The following ZNF512B variants were observed in gnomAD, a reference collection of about 807,000 sequenced individuals.
ZNF512B encodes zinc finger protein 512B.
In ZNF512B, 22 loss-of-function variants were observed where a neutral mutation model predicts 87.8. The ratio of observed to expected loss-of-function variants is 0.25; its 90% CI spans 0.18 to 0.36. The LOEUF (loss-of-function observed/expected upper bound fraction) is 0.36. Ranked by LOEUF, ZNF512B falls within the 10% of genes least tolerant of loss-of-function variation. The pLI, the probability that ZNF512B is intolerant of heterozygous loss-of-function variation, is 1.00. For synonymous variants in ZNF512B, 524 were observed against 490.9 expected (o/e 1.07, Z -0.89); for missense variants, 1,060 against 1,231.6 (o/e 0.86, Z 2.09).
chr20:63,960,675 A>C (rs1331720979), intron 16 of ZNF512B, among the ~76,000 whole-genome samples: 57 of 142,038 alleles, frequency 4.0e-4, no homozygotes, highest in South Asian at 1.5e-3. Flanking sequence ...AGGCACCTGC[A>C]GCAGGGGGCT....
intron 1 of ZNF512B, among the ~76,000 whole-genome samples, chr20:63,969,421 C>T (rs768688654): frequency 6.6e-6 from 1 of 151,580 alleles, no homozygotes; most frequent in Non-Finnish European, 1.5e-5. Flanking sequence ...GCAGCGGGTC[C>T]GCCGCGTAGG....
Position 63,964,230 on chromosome 20 carries a change from A to T in ZNF512B, c.1334-13T>A. On this transcript the variant is annotated splice_polypyrimidine_tract_variant and intron_variant, in intron 7 of 16. Transcript: ENST00000369888. ...GCTTTGACCAGGCCTGTGTGCACAC[A>T]TGGGGTGGAGAGAAACAGGGATGGG... 6.2e-7 allele frequency: 1 copy of T among 1,607,554 alleles called. No homozygotes were observed.
At chr20:63,969,740 A>C (rs2058962128) in intron 1 of ZNF512B, 74 bp downstream of exon 1, 1 of 134,524 alleles carries the variant, frequency 7.4e-6, no homozygotes. Context: ...GCCTGCGCGC[A>C]GGGTCGAGAT....
chr20:63,964,624 G>A lies in ZNF512B; in HGVS notation c.1127C>T (p.Ser376Leu), dbSNP rs139691615. 76 of 1,613,040 alleles carry A rather than the reference G, an allele frequency of 4.7e-5. No homozygotes were observed. The highest frequency in any genetic ancestry group is 1.7e-4 in the Middle Eastern group (1 of 5,810). Residue 376 changes from serine (S) to leucine (L), a missense_variant, in exon 6 of 17, where the codon TCG becomes TTG. Around this residue, in one of 9 missense-constraint regions of ZNF512B, gnomAD observed 212 missense variants for 207.6 expected, o/e 1.02. Transcript: ENST00000369888. ...EYGPSSMGQSSAFQLSADTSS... is the reference protein window; with the variant it reads ...EYGPSSMGQSLAFQLSADTSS... ...GGTGTCTGCACTCAGCTGGAAGGCC[G>A]AGCTCTGGCCCATGGAGGAGGGGCC... is the stretch of plus-strand genomic sequence containing the variant.
In ZNF512B at chr20:63,966,712, G is replaced by T. The variant is rs752243247; in HGVS notation, c.463C>A (p.Leu155Met). ...CEAAFTSKTQ[L>M]EKHRIWNHMD... Reference sequence around the variant, plus strand: ...TGGTTCCAGATCCGGTGTTTCTCCAGCTGGGTCTTAGAGGTGAATGCGGCC... The same window carrying T: ...TGGTTCCAGATCCGGTGTTTCTCCATCTGGGTCTTAGAGGTGAATGCGGCC... The change falls in exon 5 of 17, where the codon CTG becomes ATG. Residue 155 changes from leucine (L) to methionine (M), a missense_variant. Leu to Met is a conservative substitution (Grantham distance 15). Transcript: ENST00000369888. The T allele has an allele frequency of 6.2e-7, 1 of 1,610,628 alleles. No homozygotes were observed. The highest frequency in any genetic ancestry group is 8.5e-7 in the Non-Finnish European group (1 of 1,179,010).
rs2058939126 is a variant in ZNF512B at position 63,967,391 on chromosome 20, C to T, written c.254G>A (p.Arg85Gln). 7 of 1,608,308 alleles carry T rather than the reference C, an allele frequency of 4.4e-6. No individual in the cohort carries two copies. The highest frequency in any genetic ancestry group is 3.3e-5 in the South Asian group (3 of 90,408). ...CCTGAGGGAGCTCACAGGAATGTCT[C>T]GGAGGGCCTGGTTCTCGGCTTTTGG... Reference protein sequence around the residue: ...GRPKAENQALRDIPLSLMNDW... With the variant: ...GRPKAENQALQDIPLSLMNDW... The change falls in exon 3 of 17, where the codon CGA becomes CAA. Residue 85 changes from arginine to glutamine, a missense_variant. Physicochemically the swap from Arg to Gln is conservative, Grantham distance 43. This residue lies in a region of ZNF512B where 134 missense variants were observed against 153.6 expected (regional missense o/e 0.87). Transcript: ENST00000369888.
At chr20:63,962,200 T>C in intron 14 of ZNF512B, 73 bp downstream of exon 14, 1 of 1,477,948 alleles carries the variant, frequency 6.8e-7, no homozygotes, top group Non-Finnish European at 9.2e-7. Context: ...CCTCTGTTCC[T>C]GCTCAGAGGG....
Position 63,966,402 on chromosome 20 carries a change from A to T in ZNF512B, c.773T>A (p.Ile258Asn), listed in dbSNP as rs1396346880. 1 of 1,613,886 alleles carries T rather than the reference A, an allele frequency of 6.2e-7. No individual in the cohort carries two copies. The highest frequency in any genetic ancestry group is 1.7e-5 in the Admixed American group (1 of 59,998). The change falls in exon 5 of 17, where the codon ATC becomes AAC. Residue 258 changes from isoleucine to asparagine, a missense_variant. By Grantham distance (149) the Ile-to-Asn change is moderately radical. Around this residue, in one of 9 missense-constraint regions of ZNF512B, gnomAD observed 201 missense variants for 226.8 expected, o/e 0.89. Coordinates refer to ENST00000369888, the MANE Select transcript of ZNF512B (RefSeq NM_020713.3). The part of the protein sequence containing the change: ...VTKAMPVTKP[I>N]TVTKSVPVTK... Reference sequence around the variant, plus strand: ...GACCGGCACAGACTTGGTGACTGTGATGGGTTTGGTGACCGGCATGGCCTT... The same window carrying T: ...GACCGGCACAGACTTGGTGACTGTGTTGGGTTTGGTGACCGGCATGGCCTT...
At chr20:63,962,202 C>G in intron 14 of ZNF512B, 71 bp downstream of exon 14, 1 of 1,486,488 alleles carries the variant, frequency 6.7e-7, no homozygotes, top group Non-Finnish European at 9.1e-7. Flanking sequence ...TCTGTTCCTG[C>G]TCAGAGGGCC....
rs980376735 is a variant in ZNF512B at position 63,958,034 on chromosome 20, G to A, written c.*1854C>T. On this transcript the variant is annotated 3_prime_UTR_variant, in exon 17 of 17. Transcript: ENST00000369888. ...AGGTGTGCGTGGGTGGGGGGAGTCC[G>A]GGTCTCCACACCCACTCCCTGGCAC... is the stretch of plus-strand genomic sequence containing the variant. 1 of 152,210 alleles carries A rather than the reference G, an allele frequency of 6.6e-6. No homozygotes were observed. Among genetic ancestry groups the A allele is most frequent in the African/African-American group, 2.4e-5 (1 of 41,424 alleles). The allele number at this position is 152,210 out of a possible 1,614,324, so 9.4% of individuals were successfully genotyped here.
chr20:63,968,088 A>C (rs2058946480), intron 1 of ZNF512B, 136 bp from the exon 2 acceptor site: 7 of 1,188,730 alleles, frequency 5.9e-6, no homozygotes, highest in Non-Finnish European at 6.9e-6. Flanking sequence ...GGTTTTGTTC[A>C]CGTGGGAAAA....
At position 63,959,719 on chromosome 20, in the gene ZNF512B, G is replaced by A; in HGVS notation, c.*169C>T. ...GGTGTGCCCTGTGGCAGCCTTAACA[G>A]GGGAAGGGCCACCTTCAGGGAAGGG... On this transcript the variant is annotated 3_prime_UTR_variant, in exon 17 of 17. Transcript: ENST00000369888. The A allele has an allele frequency of 9.1e-7, 1 of 1,094,010 alleles. No individual in the cohort carries two copies. The highest frequency in any genetic ancestry group is 1.7e-5 in the South Asian group (1 of 58,024). The allele number at this position is 1,094,010 out of a possible 1,614,324, so 67.8% of individuals were successfully genotyped here.
At chr20:63,962,504 A>G in intron 13 of ZNF512B, 83 bp downstream of exon 13, 1 of 1,555,486 alleles carries the variant, frequency 6.4e-7, no homozygotes, top group Non-Finnish European at 8.7e-7. Flanking sequence ...AGGTCACAGC[A>G]GTGGCTGTCC....
rs771936199 is a variant in ZNF512B, at chr20:63,967,838, G to T, written c.113C>A (p.Pro38Gln). 6.2e-7 allele frequency: 1 copy of T among 1,612,114 alleles called. No homozygotes were observed. The highest frequency in any genetic ancestry group is 2.2e-5 in the East Asian group (1 of 44,828). Reference sequence around the variant, plus strand: ...GCCCTGACTCCTCTTACCCATCTTCGGTGGGTCATGCAGCATTGGAAGTCG... The same window carrying T: ...GCCCTGACTCCTCTTACCCATCTTCTGTGGGTCATGCAGCATTGGAAGTCG... ...EVRLPMLHDP[P>Q]KMGMPVVRGG... The change falls in exon 2 of 17, where the codon CCG (proline) becomes CAG (glutamine). Residue 38 changes from proline (P) to glutamine (Q), a missense_variant. Pro to Gln is a moderately conservative substitution (Grantham distance 76). Coordinates refer to ENST00000369888, the MANE Select transcript of ZNF512B (RefSeq NM_020713.3).
chr20:63,958,466 G>C lies in ZNF512B; in HGVS notation c.*1422C>G, dbSNP rs1047247845. 1 of 152,362 alleles carries C rather than the reference G, an allele frequency of 6.6e-6. No individual in the cohort carries two copies. The highest frequency in any genetic ancestry group is 2.4e-5 in the African/African-American group (1 of 41,448). 9.4% of individuals were successfully genotyped at this position (152,362 alleles called of 1,614,324 possible). A position where few individuals can be genotyped will look rare whatever the true frequency, so the allele number is the denominator to read the frequency against. ...CTACACCCAGGAGACACACGCACAC[G>C]GGCAAACATCAAAATTCTCATCGTC... On this transcript the variant is annotated 3_prime_UTR_variant, in exon 17 of 17. Transcript: ENST00000369888.
chr20:63,961,245 A>G lies in ZNF512B; in HGVS notation c.2427+64T>C. ...ACCTCTCTACCCCCAAGGGGTGCCC[A>G]ACCCCAGCCCTGTCCCCTCCTGGGC... On this transcript the variant is annotated intron_variant, in intron 16 of 16. Transcript: ENST00000369888. The surrounding 1 kb of genome is among the most constrained non-coding windows in gnomAD (Gnocchi z 6.4). 1 of 1,545,612 alleles carries G rather than the reference A, an allele frequency of 6.5e-7. No individual in the cohort carries two copies. Among genetic ancestry groups the G allele is most frequent in the Non-Finnish European group, 8.9e-7 (1 of 1,127,692 alleles).
chr20:63,968,651 T>A (rs1451146710), intron 1 of ZNF512B, among the ~76,000 whole-genome samples: 1 of 152,224 alleles, frequency 6.6e-6, no homozygotes, highest in Admixed American at 6.5e-5. Context: ...TCCTACCTGA[T>A]GCTCTTCGCA....
In ZNF512B at chr20:63,959,268, A is replaced by C; in HGVS notation, c.*620T>G. ...ACAAAGGAGGAGCAGGGGTGGGGGT[A>C]GTGGGCAGGCCTGGAGAGGTAGAAA... On this transcript the variant is annotated 3_prime_UTR_variant, in exon 17 of 17. Coordinates refer to ENST00000369888, the MANE Select transcript of ZNF512B (RefSeq NM_020713.3). The C allele has an allele frequency of 6.5e-6, 1 of 153,740 alleles. No homozygotes were observed. Among genetic ancestry groups the C allele is most frequent in the Non-Finnish European group, 1.5e-5 (1 of 68,932 alleles). The allele number at this position is 153,740 out of a possible 1,614,324, so 9.5% of individuals were successfully genotyped here.
In ZNF512B at chr20:63,957,864, A is replaced by T. The variant is rs1176667892; in HGVS notation, c.*2024T>A. On this transcript the variant is annotated 3_prime_UTR_variant, in exon 17 of 17. Coordinates refer to ENST00000369888, the MANE Select transcript of ZNF512B (RefSeq NM_020713.3). Reference sequence around the variant, plus strand: ...CCTCCCCTCATGAGGCTGCCCCAGCAGCAGCTGCCAGACCCCACCCTCCAC... The same window carrying T: ...CCTCCCCTCATGAGGCTGCCCCAGCTGCAGCTGCCAGACCCCACCCTCCAC... 8.1e-6 allele frequency: 1 copy of T among 123,504 alleles called. No individual in the cohort carries two copies. Among genetic ancestry groups the T allele is most frequent in the Non-Finnish European group, 1.7e-5 (1 of 59,976 alleles). 7.7% of individuals were successfully genotyped at this position (123,504 alleles called of 1,614,324 possible).
Sources: allele counts gnomAD v4.1 joint callset (sites outside exome capture counted in the v4.1 genomes callset), GRCh38; gene constraint gnomAD v4.1.1; regional missense constraint gnomAD v4.1.1; non-coding constraint Gnocchi (gnomAD v3.1); transcripts MANE v1.5; gene names NCBI Gene and HGNC (gene_info 2026-07-23, HGNC 2026-07-21).